Variants in MLYCD observed in about 807,000 individuals in gnomAD.
MLYCD encodes malonyl-CoA decarboxylase, mitochondrial.
Under a neutral mutation model 35.8 loss-of-function variants are expected in MLYCD, and 27 were observed. That is an observed-to-expected ratio of 0.75 (90% confidence interval 0.56 to 1.04). MLYCD has a LOEUF of 1.04. Ranked by LOEUF, MLYCD falls within the 50% of genes least tolerant of loss-of-function variation. The pLI is 0.00. For synonymous variants in MLYCD, 403 were observed against 302.4 expected (o/e 1.33, Z -3.45); for missense variants, 917 against 665.1 (o/e 1.38, Z -4.17).
intron 1 of MLYCD, among the ~76,000 whole-genome samples, chr16:83,901,512 G>C (rs141247699): frequency 1.7e-4 from 26 of 152,306 alleles, no homozygotes; most frequent in African/African-American, 6.3e-4. Flanking sequence ...TGAAGGACTT[G>C]AAAGGTTTCT....
At chr16:83,905,468 G>T (rs1031695744) in intron 1 of MLYCD, among the ~76,000 whole-genome samples, 1 of 152,126 alleles carries the variant, frequency 6.6e-6, no homozygotes. Flanking sequence ...AAGTCTAGAG[G>T]TGGGCAGCCC....
chr16:83,915,713 A>G lies in MLYCD; in HGVS notation c.*224A>G. On this transcript the variant is annotated 3_prime_UTR_variant, in exon 5 of 5. Coordinates refer to ENST00000262430, the MANE Select transcript of MLYCD (RefSeq NM_012213.3). Reference sequence around the variant, plus strand: ...TTGTGGGTGCGGGTGCACACAAATGAGTGGGTTGCTGTGCTGTCTCCGGAA... The same window carrying G: ...TTGTGGGTGCGGGTGCACACAAATGGGTGGGTTGCTGTGCTGTCTCCGGAA... 7.0e-7 allele frequency: 1 copy of G among 1,425,874 alleles called. No homozygotes were observed. Among genetic ancestry groups the G allele is most frequent in the Non-Finnish European group, 9.2e-7 (1 of 1,088,862 alleles). The allele number at this position is 1,425,874 out of a possible 1,614,324, so 88.3% of individuals were successfully genotyped here.
Position 83,899,126 on chromosome 16 carries a change from G to T in MLYCD, c.-19G>T. The T allele has an allele frequency of 9.0e-7, 1 of 1,110,698 alleles. No individual in the cohort carries two copies. The highest frequency in any genetic ancestry group is 1.1e-6 in the Non-Finnish European group (1 of 912,668). The allele number at this position is 1,110,698 out of a possible 1,614,324, so 68.8% of individuals were successfully genotyped here. A position where few individuals can be genotyped will look rare whatever the true frequency, so the allele number is the denominator to read the frequency against. On this transcript the variant is annotated 5_prime_UTR_variant, in exon 1 of 5. Transcript: ENST00000262430. The stretch of plus-strand genomic sequence containing the variant: ...GCAGCGGCGGCGGCGCTCCCCCTCG[G>T]CAGCTGTTGTGGGGCACCATGCGAG...
chr16:83,915,456 A>G lies in MLYCD; in HGVS notation c.1449A>G (p.Leu483=), dbSNP rs577833548. The change falls in exon 5 of 5, where the codon CTA becomes CTG. Residue 483 remains leucine, a synonymous_variant. Coordinates refer to ENST00000262430, the MANE Select transcript of MLYCD (RefSeq NM_012213.3). ...IIKASEQVLS[L]VAQFQKNSKL Reference sequence around the variant, plus strand: ...AAGCCTCTGAGCAGGTCCTCAGCCTAGTGGCCCAGTTTCAAAAGAACAGCA... The same window carrying G: ...AAGCCTCTGAGCAGGTCCTCAGCCTGGTGGCCCAGTTTCAAAAGAACAGCA... The G allele has an allele frequency of 5.6e-6, 9 of 1,613,074 alleles. No homozygotes were observed. The Admixed American group carries it at 6.7e-5, about 12-fold the overall frequency.
chr16:83,913,137 G>A (rs547489523), intron 4 of MLYCD: 95 of 153,060 alleles, frequency 6.2e-4, no homozygotes, highest in African/African-American at 2.1e-3. Context: ...CTTCCTTTGA[G>A]GACGACAGTG....
rs190142309 is a variant in MLYCD, at chr16:83,925,598, C to A, written c.*10109C>A. The A allele has an allele frequency of 1.3e-5, 2 of 152,638 alleles. No homozygotes were observed. Among genetic ancestry groups the A allele is most frequent in the African/African-American group, 2.4e-5 (1 of 41,580 alleles). The allele number at this position is 152,638 out of a possible 1,614,324, so 9.5% of individuals were successfully genotyped here. On this transcript the variant is annotated 3_prime_UTR_variant, in exon 5 of 5. Coordinates refer to ENST00000262430, the MANE Select transcript of MLYCD (RefSeq NM_012213.3). The stretch of plus-strand genomic sequence containing the variant: ...CCTACCTCCCACCATCCCCGTCACC[C>A]TCCCTGTCACACACAGCCCCCTCCG...
intron 1 of MLYCD, among the ~76,000 whole-genome samples, chr16:83,901,181 C>T (rs899965557): frequency 6.6e-6 from 1 of 152,176 alleles, no homozygotes; most frequent in Non-Finnish European, 1.5e-5. Context: ...AATTGCATGA[C>T]ACAGAATCAG....
rs1183693685 is a variant in MLYCD, at chr16:83,922,524, C to G, written c.*7035C>G. On this transcript the variant is annotated 3_prime_UTR_variant, in exon 5 of 5. Coordinates refer to ENST00000262430, the MANE Select transcript of MLYCD (RefSeq NM_012213.3). ...GTAGACTTTGGCTCCGGCCAGTGCCCAGTTCAAATGCTGGCCCCACCACTT... is the reference window on the plus strand; with the variant it reads ...GTAGACTTTGGCTCCGGCCAGTGCCGAGTTCAAATGCTGGCCCCACCACTT... 6.6e-6 allele frequency: 1 copy of G among 152,290 alleles called. No homozygotes were observed. The highest frequency in any genetic ancestry group is 2.4e-5 in the African/African-American group (1 of 41,460). The allele number at this position is 152,290 out of a possible 1,614,324, so 9.4% of individuals were successfully genotyped here.
rs748843724 is a variant in MLYCD at position 83,915,044 on chromosome 16, C to T, written c.1037C>T (p.Thr346Met). The T allele has an allele frequency of 1.4e-5, 22 of 1,614,086 alleles. No homozygotes were observed. The highest frequency in any genetic ancestry group is 2.7e-5 in the African/African-American group (2 of 74,916). The change falls in exon 5 of 5, where the codon ACG (threonine) becomes ATG (methionine). Residue 346 changes from threonine to methionine, a missense_variant. Coordinates refer to ENST00000262430, the MANE Select transcript of MLYCD (RefSeq NM_012213.3). ...CTTCTGGGGCTTCTGAACTCGCAAA[C>T]GAAGGAGCATGGGAGGAATGAACTC... is the stretch of plus-strand genomic sequence containing the variant. ...KWLLGLLNSQ[T>M]KEHGRNELFT...
At chr16:83,912,496 G>C (rs1331931050) in intron 4 of MLYCD, 129 bp downstream of exon 4, 1 of 1,315,550 alleles carries the variant, frequency 7.6e-7, no homozygotes, top group African/African-American at 1.5e-5. Context: ...GCAGGGGGTA[G>C]AAAAGGTGCC....
At chr16:83,907,335 G>A (rs563159689) in intron 2 of MLYCD, among the ~76,000 whole-genome samples, 2 of 152,284 alleles carry the variant, frequency 1.3e-5, no homozygotes, top group East Asian at 1.9e-4. Context: ...AGTGACCTGC[G>A]TGTGAGGTCT....
At chr16:83,902,063 A>C (rs1906806306) in intron 1 of MLYCD, among the ~76,000 whole-genome samples, 1 of 148,138 alleles carries the variant, frequency 6.8e-6, no homozygotes, top group African/African-American at 2.5e-5. Flanking sequence ...GAACCTATTA[A>C]TTCCCTTCCC....
At chr16:83,910,843 C>A (rs1269933851) in intron 3 of MLYCD, among the ~76,000 whole-genome samples, 6 of 152,206 alleles carry the variant, frequency 3.9e-5, no homozygotes, top group African/African-American at 1.4e-4. Context: ...ATGAGCTCTC[C>A]CCCTTTCCTC....
Position 83,922,639 on chromosome 16 carries a change from C to T in MLYCD, c.*7150C>T, listed in dbSNP as rs1451266017. 8 of 152,264 alleles carry T rather than the reference C, an allele frequency of 5.3e-5. No homozygotes were observed. The highest frequency in any genetic ancestry group is 5.2e-4 in the Admixed American group (8 of 15,278). 9.4% of individuals were successfully genotyped at this position (152,264 alleles called of 1,614,324 possible). ...GGCAGTAACCATAGTACCGACCCCA[C>T]AGCCTGCTGAGAGGCTCAAAGGAGA... On this transcript the variant is annotated 3_prime_UTR_variant, in exon 5 of 5. Coordinates refer to ENST00000262430, the MANE Select transcript of MLYCD (RefSeq NM_012213.3).
chr16:83,908,293 T>C lies in MLYCD; in HGVS notation c.798+11T>C. On this transcript the variant is annotated intron_variant, in intron 3 of 4. Coordinates refer to ENST00000262430, the MANE Select transcript of MLYCD (RefSeq NM_012213.3). ...TCCAGCAACATCCAGGTACCTGCGA[T>C]GGTCAATTCGGGACAAGATGGGCAC... 3 of 1,613,940 alleles carry C rather than the reference T, an allele frequency of 1.9e-6. No individual in the cohort carries two copies. The highest frequency in any genetic ancestry group is 2.5e-6 in the Non-Finnish European group (3 of 1,179,992).
rs1907689661 is a variant in MLYCD, at chr16:83,922,560, G to A, written c.*7071G>A. ...CTGGCCCCACCACTTCCAGCTGGGT[G>A]GCCCAGGGCAAGCCACCTACCCTTG... On this transcript the variant is annotated 3_prime_UTR_variant, in exon 5 of 5. Transcript: ENST00000262430. 1.3e-5 allele frequency: 2 copies of A among 152,368 alleles called. No homozygotes were observed. Among genetic ancestry groups the A allele is most frequent in the African/African-American group, 4.8e-5 (2 of 41,482 alleles). The allele number at this position is 152,368 out of a possible 1,614,324, so 9.4% of individuals were successfully genotyped here. A position where few individuals can be genotyped will look rare whatever the true frequency, so the allele number is the denominator to read the frequency against.
intron 4 of MLYCD, chr16:83,914,026 C>A (rs997892111): frequency 1.3e-5 from 2 of 152,134 alleles, no homozygotes; most frequent in Non-Finnish European, 2.9e-5. Context: ...CTCACCCATG[C>A]AAAAATCGCA....
At chr16:83,912,142 C>A in intron 3 of MLYCD, 76 bp from the exon 4 acceptor site, 3 of 1,594,074 alleles carry the variant, frequency 1.9e-6, no homozygotes, top group Non-Finnish European at 2.6e-6. Flanking sequence ...ATTGTCTTCT[C>A]GTCCCAGCAA....
At position 83,919,673 on chromosome 16, in the gene MLYCD, CAGG is replaced by C. The variant is rs1388949910; in HGVS notation, c.*4187_*4189del. The stretch of plus-strand genomic sequence containing the variant: ...AACACGGTGATCAGAACACGGTTCA[CAGG>C]AGAACACACAGTGCACAGAACACAC... On this transcript the variant is annotated 3_prime_UTR_variant, in exon 5 of 5. Transcript: ENST00000262430. The C allele has an allele frequency of 6.8e-6, 1 of 148,112 alleles. No individual in the cohort carries two copies. Among genetic ancestry groups the C allele is most frequent in the Non-Finnish European group, 1.5e-5 (1 of 67,836 alleles). 9.2% of individuals were successfully genotyped at this position (148,112 alleles called of 1,614,324 possible).
Sources: gnomAD v4.1 joint callset for allele counts (sites outside exome capture counted in the v4.1 genomes callset) on GRCh38, gnomAD v4.1.1 for gene constraint, MANE v1.5 for transcripts, NCBI Gene and HGNC (gene_info 2026-07-23, HGNC 2026-07-21) for gene names.